The following FUT8 variants were observed in gnomAD, a reference collection of about 807,000 sequenced individuals.
FUT8 encodes the protein alpha-(1,6)-fucosyltransferase.
Under a neutral mutation model 71.3 loss-of-function variants are expected in FUT8, and 29 were observed. That is an observed-to-expected ratio of 0.41 (90% confidence interval 0.30 to 0.55). The LOEUF (loss-of-function observed/expected upper bound fraction) is 0.55. Among genes scored for constraint, FUT8 ranks in the 20% least tolerant of loss-of-function variants. The pLI is 0.34. For missense variants in FUT8, 544 were observed against 702.1 expected (o/e 0.77, Z 2.55); for synonymous variants, 254 against 239.3 (o/e 1.06, Z -0.57).
At chr14:65,459,375 TAAA>T (rs879513404) in intron 2 of FUT8, among the ~76,000 whole-genome samples, 13 of 152,172 alleles carry the variant, frequency 8.5e-5, no homozygotes, top group Non-Finnish European at 1.8e-4. Flanking sequence ...TGTTACAAAA[TAAA>T]AAAATTTAGA....
chr14:65,724,725 A>G (rs1196596557), intron 9 of FUT8, among the ~76,000 whole-genome samples: 1 of 152,216 alleles, frequency 6.6e-6, no homozygotes, highest in African/African-American at 2.4e-5. Flanking sequence ...TTCAAGATCA[A>G]GATGCTAGCA....
chr14:65,493,233 A>C (rs1195054193), intron 2 of FUT8, among the ~76,000 whole-genome samples: 1 of 152,172 alleles, frequency 6.6e-6, no homozygotes, highest in Non-Finnish European at 1.5e-5. Context: ...CTGTGAAGAT[A>C]CTTTTTACAG....
chr14:65,407,162 A>G (rs1356848015), upstream of FUT8, among the ~76,000 whole-genome samples: 1 of 152,228 alleles, frequency 6.6e-6, no homozygotes, highest in Non-Finnish European at 1.5e-5. Context: ...GATTGGTGTG[A>G]TGTGGTTACA....
At chr14:65,411,919 C>G, upstream of FUT8, 1 of 402,572 alleles carries the variant, frequency 2.5e-6, no homozygotes, top group Non-Finnish European at 4.9e-6. Context: ...AGCTGGCGGT[C>G]TGGGCTGCTC....
chr14:65,619,652 T>C (rs1381733525), intron 5 of FUT8, among the ~76,000 whole-genome samples: 1 of 152,308 alleles, frequency 6.6e-6, no homozygotes, highest in East Asian at 1.9e-4. Context: ...ACAGGCTGTT[T>C]TAAGAATTTA....
intron 6 of FUT8, among the ~76,000 whole-genome samples, chr14:65,639,844 T>G (rs932820647): frequency 6.6e-5 from 10 of 152,160 alleles, no homozygotes; most frequent in African/African-American, 2.4e-4. Context: ...TCATTTGTAT[T>G]TATTTCAGTA....
chr14:65,650,159 C>T (rs189271402), intron 6 of FUT8, among the ~76,000 whole-genome samples: 8 of 151,834 alleles, frequency 5.3e-5, no homozygotes, highest in East Asian at 1.9e-4. Context: ...ATTAGCCGGG[C>T]GTGGTGGCAC....
upstream of FUT8, chr14:65,412,597 C>T (rs1244346751): frequency 9.5e-6 from 3 of 316,302 alleles, no homozygotes; most frequent in Non-Finnish European, 1.8e-5. Flanking sequence ...GCTGCTGCTA[C>T]GCTCTCCACC....
chr14:65,636,315 A>ATTTTTTTT (rs56786117), intron 6 of FUT8, among the ~76,000 whole-genome samples: 1 of 132,150 alleles, frequency 7.6e-6, no homozygotes, highest in African/African-American at 2.5e-5. Context: ...TATCTTTTGT[A>ATTTTTTTT]TTTTTTTTTT....
rs567794861 is a variant in FUT8 at position 65,717,567 on chromosome 14, G to A, written c.836-4208G>A. On this transcript the variant is annotated intron_variant, in intron 7 of 10. Coordinates refer to ENST00000673929, the MANE Select transcript of FUT8 (RefSeq NM_001371533.1). ...CTCCTCACATCCCAGACGATGGGCG[G>A]CCGGGCAGAGACGCTCCTCACCTCC... 8.4e-5 allele frequency among the ~76,000 whole-genome samples: 11 copies of A among 130,300 alleles called. No homozygotes were observed. The East Asian group carries it at 2.2e-3, about 26-fold the overall frequency. 85.5% of individuals were successfully genotyped at this position (130,300 alleles called of 152,430 possible). A position where few individuals can be genotyped will look rare whatever the true frequency, so the allele number is the denominator to read the frequency against.
chr14:65,401,591 C>A, the FUT8 span, among the ~76,000 whole-genome samples: 1 of 151,958 alleles, frequency 6.6e-6, no homozygotes, highest in Non-Finnish European at 1.5e-5. Context: ...GAGCAGTAAC[C>A]AAAAGGTAGA....
At chr14:65,733,869 G>A (rs1219257174) in intron 10 of FUT8, among the ~76,000 whole-genome samples, 2 of 152,156 alleles carry the variant, frequency 1.3e-5, no homozygotes, top group African/African-American at 4.8e-5. Flanking sequence ...TCTACCAAGT[G>A]AGAAACTGTA....
At chr14:65,639,934 A>G (rs1449677667) in intron 6 of FUT8, among the ~76,000 whole-genome samples, 1 of 152,182 alleles carries the variant, frequency 6.6e-6, no homozygotes, top group Admixed American at 6.5e-5. Flanking sequence ...ATTGTTTAAA[A>G]TCATCAAATA....
chr14:65,478,920 A>T (rs2066287670), intron 2 of FUT8, among the ~76,000 whole-genome samples: 1 of 152,358 alleles, frequency 6.6e-6, no homozygotes, highest in East Asian at 1.9e-4. Flanking sequence ...ACAACAAAGG[A>T]ACATAAATTC....
intron 2 of FUT8, among the ~76,000 whole-genome samples, chr14:65,548,591 A>T (rs915849146): frequency 6.6e-6 from 1 of 151,928 alleles, no homozygotes; most frequent in Non-Finnish European, 1.5e-5. Flanking sequence ...TCTTGGGTGG[A>T]TTAACTTTGA....
chr14:65,462,485 G>T (rs755611304), intron 2 of FUT8, among the ~76,000 whole-genome samples: 21 of 152,136 alleles, frequency 1.4e-4, no homozygotes, highest in Admixed American at 4.6e-4. Context: ...GCCCACGTTT[G>T]TCTGTCATGT....
chr14:65,387,404 G>T, the FUT8 span, among the ~76,000 whole-genome samples: 1 of 152,138 alleles, frequency 6.6e-6, no homozygotes, highest in Non-Finnish European at 1.5e-5. Flanking sequence ...CCATTCAGGT[G>T]TCTCTTTCCC....
At chr14:65,438,662 T>C (rs1038528811) in intron 1 of FUT8, among the ~76,000 whole-genome samples, 4 of 152,208 alleles carry the variant, frequency 2.6e-5, no homozygotes, top group Admixed American at 2.6e-4. Flanking sequence ...GCCATAGTTA[T>C]TTTGGATTTT....
At chr14:65,727,189 T>A (rs1007048870) in intron 9 of FUT8, among the ~76,000 whole-genome samples, 1 of 151,896 alleles carries the variant, frequency 6.6e-6, no homozygotes. Context: ...CATTCTGGAG[T>A]CTGGAGGATG....
Sources: allele counts gnomAD v4.1 joint callset (sites outside exome capture counted in the v4.1 genomes callset), GRCh38; gene constraint gnomAD v4.1.1; transcripts MANE v1.5; gene names NCBI Gene and HGNC (gene_info 2026-07-23, HGNC 2026-07-21).